The following C1GALT1 variants were observed in gnomAD, a reference collection of about 807,000 sequenced individuals.
C1GALT1 encodes the protein core 1 synthase, glycoprotein-N-acetylgalactosamine 3-beta-galactosyltransferase 1, also known as glycoprotein-N-acetylgalactosamine 3-beta-galactosyltransferase 1.
A neutral mutation model predicts 31.0 loss-of-function variants in C1GALT1; 11 were observed. The observed-to-expected ratio is 0.36, with a 90% CI of 0.22 to 0.59. The LOEUF (loss-of-function observed/expected upper bound fraction) is 0.59. Ranked by LOEUF, C1GALT1 falls within the 20% of genes least tolerant of loss-of-function variation. The pLI is 0.79. For synonymous variants in C1GALT1, 175 were observed against 143.6 expected (o/e 1.22, Z -1.56); for missense variants, 424 against 425.2 (o/e 1.00, Z 0.03).
chr7:7,167,572 GT>G (rs983763497), intron 2 of C1GALT1, among the ~76,000 whole-genome samples: 13 of 151,530 alleles, frequency 8.6e-5, no homozygotes, highest in South Asian at 2.1e-4. Context: ...AATTATGTAA[GT>G]TTTTTTTGTT....
At chr7:7,237,324 C>CTGTT (rs369151207) in intron 2 of C1GALT1, among the ~76,000 whole-genome samples, 1 of 152,322 alleles carries the variant, frequency 6.6e-6, no homozygotes, top group African/African-American at 2.4e-5. Flanking sequence ...ACTTTGTCAG[C>CTGTT]TGTTTGTCTG....
At chr7:7,229,808 G>C (rs531039749) in intron 1 of C1GALT1, among the ~76,000 whole-genome samples, 1 of 152,204 alleles carries the variant, frequency 6.6e-6, no homozygotes, top group Non-Finnish European at 1.5e-5. Flanking sequence ...GAAAACAGCA[G>C]AAAGACATGG....
intron 2 of C1GALT1, among the ~76,000 whole-genome samples, chr7:7,175,688 G>A (rs1351142413): frequency 6.6e-6 from 1 of 152,106 alleles, no homozygotes; most frequent in Non-Finnish European, 1.5e-5. Flanking sequence ...GTCTGCTTGG[G>A]CTACTGTAAC....
chr7:7,193,944 A>G (rs918329553), intron 1 of C1GALT1, among the ~76,000 whole-genome samples: 3 of 151,792 alleles, frequency 2.0e-5, no homozygotes, highest in Non-Finnish European at 4.4e-5. Flanking sequence ...ACATAGTAAA[A>G]GAGTTTGAGT....
At chr7:7,175,440 C>A (rs1333695346) in intron 2 of C1GALT1, among the ~76,000 whole-genome samples, 1 of 152,224 alleles carries the variant, frequency 6.6e-6, no homozygotes, top group Non-Finnish European at 1.5e-5. Context: ...ATGTGCATGG[C>A]TTTCTAAATT....
chr7:7,158,575 C>T (rs892796531), intron 2 of C1GALT1, among the ~76,000 whole-genome samples: 2 of 150,368 alleles, frequency 1.3e-5, no homozygotes, highest in Non-Finnish European at 3.0e-5. Flanking sequence ...TATACACATA[C>T]ATTTTTATAT....
intron 1 of C1GALT1, among the ~76,000 whole-genome samples, chr7:7,221,143 C>G (rs1440792572): frequency 2.0e-5 from 3 of 152,100 alleles, no homozygotes; most frequent in Non-Finnish European, 4.4e-5. Context: ...ATGATTTCCT[C>G]TTCTCTTTTA....
intron 1 of C1GALT1, among the ~76,000 whole-genome samples, chr7:7,224,466 AG>A (rs1394288662): frequency 1.5e-5 from 2 of 135,074 alleles, no homozygotes; most frequent in Admixed American, 1.5e-4. Flanking sequence ...TGTGGGGGTC[AG>A]GGGCGGGGGG....
intron 1 of C1GALT1, among the ~76,000 whole-genome samples, chr7:7,196,882 A>T (rs562991765): frequency 6.6e-6 from 1 of 152,082 alleles, no homozygotes; most frequent in Non-Finnish European, 1.5e-5. Flanking sequence ...GTACCTGTTC[A>T]TATCCTTTTC....
At chr7:7,202,389 G>A (rs540147363) in intron 1 of C1GALT1, among the ~76,000 whole-genome samples, 1 of 152,236 alleles carries the variant, frequency 6.6e-6, no homozygotes, top group South Asian at 2.1e-4. Context: ...CCCATTTTGA[G>A]TTAGTTTTCA....
chr7:7,218,539 GATGA>G (rs1463566867), intron 1 of C1GALT1, among the ~76,000 whole-genome samples: 1 of 152,120 alleles, frequency 6.6e-6, no homozygotes, highest in Non-Finnish European at 1.5e-5. Flanking sequence ...GGGGGTGGGG[GATGA>G]ATAAGGTGAG....
chr7:7,176,526 C>G (rs1313003213), intron 2 of C1GALT1, among the ~76,000 whole-genome samples: 1 of 152,118 alleles, frequency 6.6e-6, no homozygotes, highest in Non-Finnish European at 1.5e-5. Flanking sequence ...AAAGAGTAAC[C>G]CCAGGGATTC....
chr7:7,233,256 G>A (rs1044363686), intron 1 of C1GALT1, among the ~76,000 whole-genome samples: 3 of 151,910 alleles, frequency 2.0e-5, no homozygotes, highest in African/African-American at 4.8e-5. Context: ...TAGAGCAGAG[G>A]TCAGCAAACT....
At chr7:7,187,827 A>G (rs143752553) in intron 1 of C1GALT1, among the ~76,000 whole-genome samples, 32 of 152,332 alleles carry the variant, frequency 2.1e-4, no homozygotes, top group Non-Finnish European at 4.1e-4. Context: ...GACATAAATT[A>G]TAAGGCACAG....
At chr7:7,236,838 T>C (rs569387880) in intron 2 of C1GALT1, among the ~76,000 whole-genome samples, 1 of 152,126 alleles carries the variant, frequency 6.6e-6, no homozygotes, top group Non-Finnish European at 1.5e-5. Context: ...CATGAGAATA[T>C]TTTTATGTTC....
chr7:7,225,273 G>A (rs777750257), intron 1 of C1GALT1, among the ~76,000 whole-genome samples: 9 of 152,026 alleles, frequency 5.9e-5, no homozygotes, highest in African/African-American at 7.2e-5. Context: ...TTGCTGTGCC[G>A]CTCTATTGTT....
At chr7:7,193,645 A>G (rs1781166471) in intron 1 of C1GALT1, among the ~76,000 whole-genome samples, 1 of 151,426 alleles carries the variant, frequency 6.6e-6, no homozygotes, top group Non-Finnish European at 1.5e-5. Context: ...CTGAGTCTTG[A>G]TTTGGCTATG....
At chr7:7,205,011 G>C (rs186765240) in intron 1 of C1GALT1, among the ~76,000 whole-genome samples, 115 of 152,254 alleles carry the variant, frequency 7.6e-4, no homozygotes, top group African/African-American at 2.7e-3. Context: ...GTTATTGTTA[G>C]GCAGAATGTT....
At chr7:7,236,340 A>G (rs1287101774) in intron 2 of C1GALT1, among the ~76,000 whole-genome samples, 1 of 152,148 alleles carries the variant, frequency 6.6e-6, no homozygotes, top group African/African-American at 2.4e-5. Flanking sequence ...TGAATGAAAC[A>G]GATTGGGGAT....
Sources: gnomAD v4.1 joint callset for allele counts (sites outside exome capture counted in the v4.1 genomes callset) on GRCh38, gnomAD v4.1.1 for gene constraint, MANE v1.5 for transcripts, NCBI Gene and HGNC (gene_info 2026-07-23, HGNC 2026-07-21) for gene names.